The following MECOM variants were observed in gnomAD, a reference collection of about 807,000 sequenced individuals.
MECOM encodes the protein histone-lysine N-methyltransferase MECOM.
MECOM carries 13 observed loss-of-function variants against 116.3 expected under a neutral mutation model. That is an observed-to-expected ratio of 0.11 (90% CI 0.07 to 0.18). The LOEUF (loss-of-function observed/expected upper bound fraction) is 0.18, where lower values mean the gene tolerates loss of function less well. MECOM is among the 10% of genes least tolerant of loss of function. The pLI, the probability that MECOM is intolerant of heterozygous loss-of-function variation, is 1.00. For missense variants in MECOM, 1,299 were observed against 1,509.0 expected (o/e 0.86, Z 2.31); for synonymous variants, 528 against 535.2 (o/e 0.99, Z 0.19).
At chr3:169,086,614 G>A in intron 16 of MECOM, 1 of 700,318 alleles carries the variant, frequency 1.4e-6, no homozygotes, top group South Asian at 1.5e-5. Context: ...AAGAGTTGTG[G>A]AGGAATCACA....
intron 1 of MECOM, among the ~76,000 whole-genome samples, chr3:169,587,723 T>C (rs1291372772): frequency 6.6e-6 from 1 of 152,216 alleles, no homozygotes; most frequent in African/African-American, 2.4e-5. Context: ...TAAAGGTGTA[T>C]TGATTTAACT....
At chr3:169,230,675 A>T (rs751893411) in intron 2 of MECOM, among the ~76,000 whole-genome samples, 1 of 152,098 alleles carries the variant, frequency 6.6e-6, no homozygotes, top group Admixed American at 6.6e-5. Context: ...TAGCCTCAAG[A>T]TTTCTGCTGA....
rs75757071 is a variant in MECOM at position 169,244,494 on chromosome 3, A to G, written c.376-100662T>C. Among the ~76,000 whole-genome samples the G allele has an allele frequency of 2.5e-3, 377 of 152,180 alleles. 4 individuals carry two copies. The East Asian group carries it at 0.026, about 11-fold the overall frequency. ...GGCGATCTAATTTTTTTCCCCTCCA[A>G]CTAAGAATCTTTGTTCTCCTTCTCA... On this transcript the variant is annotated intron_variant, in intron 2 of 16. Coordinates refer to ENST00000651503, the MANE Select transcript of MECOM (RefSeq NM_004991.4).
chr3:169,436,111 A>T (rs1742582265), intron 1 of MECOM, among the ~76,000 whole-genome samples: 1 of 152,178 alleles, frequency 6.6e-6, no homozygotes, highest in Non-Finnish European at 1.5e-5. Context: ...ATATGGTAAG[A>T]AGATCCATAT....
At chr3:169,583,243 G>A (rs1057010287) in intron 1 of MECOM, among the ~76,000 whole-genome samples, 4 of 152,296 alleles carry the variant, frequency 2.6e-5, no homozygotes, top group Admixed American at 2.0e-4. Flanking sequence ...TTTTGTGCCT[G>A]CCTTTCAAGG....
chr3:169,196,282 TA>T (rs1393329890), intron 2 of MECOM, among the ~76,000 whole-genome samples: 2 of 152,024 alleles, frequency 1.3e-5, no homozygotes, highest in African/African-American at 2.4e-5. Context: ...TCAGCTATCA[TA>T]TGTCCTGAGA....
At chr3:169,514,836 T>C (rs1756427906) in intron 1 of MECOM, among the ~76,000 whole-genome samples, 1 of 152,236 alleles carries the variant, frequency 6.6e-6, no homozygotes, top group Non-Finnish European at 1.5e-5. Context: ...AATCCCTTTA[T>C]AATATCTGAG....
At chr3:169,430,849 T>A (rs1049610592) in intron 1 of MECOM, among the ~76,000 whole-genome samples, 2 of 152,206 alleles carry the variant, frequency 1.3e-5, no homozygotes, top group East Asian at 3.9e-4. Flanking sequence ...TTGCTTTCAT[T>A]TCCTTCTTTA....
intron 2 of MECOM, among the ~76,000 whole-genome samples, chr3:169,227,269 C>T (rs34395863): frequency 0.02 from 3,022 of 152,138 alleles, 124 homozygotes; most frequent in African/African-American, 0.07. Flanking sequence ...AAATAAAATA[C>T]ATACTTTCTT....
intron 1 of MECOM, among the ~76,000 whole-genome samples, chr3:169,431,582 T>C (rs1741640707): frequency 6.6e-6 from 1 of 152,162 alleles, no homozygotes. Flanking sequence ...ACTTTGTAAT[T>C]CCCTGATGGA....
chr3:169,438,038 G>A (rs1486885456), intron 1 of MECOM, among the ~76,000 whole-genome samples: 2 of 152,262 alleles, frequency 1.3e-5, no homozygotes, highest in East Asian at 3.9e-4. Flanking sequence ...TAGCCCATGA[G>A]GTAGATATGA....
At chr3:169,349,214 T>C (rs1455182360) in intron 2 of MECOM, among the ~76,000 whole-genome samples, 1 of 152,006 alleles carries the variant, frequency 6.6e-6, no homozygotes, top group African/African-American at 2.4e-5. Context: ...TGTTTCCTGT[T>C]CGTAGGTTAG....
chr3:169,144,810 AG>A (rs1739268024), intron 2 of MECOM, among the ~76,000 whole-genome samples: 1 of 152,204 alleles, frequency 6.6e-6, no homozygotes, highest in Admixed American at 6.5e-5. Flanking sequence ...CAAACGAGGA[AG>A]TTTCCTATCA....
intron 2 of MECOM, among the ~76,000 whole-genome samples, chr3:169,308,931 AC>A (rs1201558650): frequency 6.6e-6 from 1 of 152,180 alleles, no homozygotes; most frequent in African/African-American, 2.4e-5. Flanking sequence ...TATTAATCAA[AC>A]AAAAGATGGG....
chr3:169,600,853 T>C (rs974745412), intron 1 of MECOM, among the ~76,000 whole-genome samples: 3 of 152,214 alleles, frequency 2.0e-5, no homozygotes, highest in African/African-American at 7.2e-5. Context: ...AAAAGACTAA[T>C]TATTTTCTTC....
intron 2 of MECOM, among the ~76,000 whole-genome samples, chr3:169,250,831 C>T (rs1026129242): frequency 2.6e-5 from 4 of 152,078 alleles, no homozygotes; most frequent in Non-Finnish European, 5.9e-5. Flanking sequence ...ATTACACCAC[C>T]CTTAAGATGA....
chr3:169,438,097 A>G (rs1470575145), intron 1 of MECOM, among the ~76,000 whole-genome samples: 1 of 152,186 alleles, frequency 6.6e-6, no homozygotes, highest in Admixed American at 6.5e-5. Context: ...TAATATTAGG[A>G]AAAAGAATAA....
intron 3 of MECOM, among the ~76,000 whole-genome samples, chr3:169,132,760 T>C (rs1041325067): frequency 6.6e-5 from 10 of 151,024 alleles, no homozygotes; most frequent in Non-Finnish European, 1.3e-4. Flanking sequence ...CTTTTCTTTT[T>C]TTTTTTTTTT....
At chr3:169,288,852 T>G (rs1290405625) in intron 2 of MECOM, among the ~76,000 whole-genome samples, 1 of 152,226 alleles carries the variant, frequency 6.6e-6, no homozygotes, top group African/African-American at 2.4e-5. Context: ...ATAGATTGCA[T>G]AAAGTTGCCT....
Sources: gnomAD v4.1 joint callset for allele counts (sites outside exome capture counted in the v4.1 genomes callset) on GRCh38, gnomAD v4.1.1 for gene constraint, MANE v1.5 for transcripts, NCBI Gene and HGNC (gene_info 2026-07-23, HGNC 2026-07-21) for gene names.